Variants in CNTN6 observed in about 807,000 individuals in gnomAD.
The protein encoded by CNTN6 is contactin-6.
In CNTN6, 137 loss-of-function variants were observed where a neutral mutation model predicts 122.8. The observed-to-expected ratio is 1.12, with a 90% CI of 0.97 to 1.29. The LOEUF is 1.29. Ranked by LOEUF, CNTN6 falls within the 50% of genes most tolerant of loss-of-function variation. The pLI is 0.00. For synonymous variants in CNTN6, 570 were observed against 426.0 expected, an observed-to-expected ratio of 1.34 and a Z score of -4.16; for missense variants, 1,634 against 1,223.4, an observed-to-expected ratio of 1.34 and a Z score of -5.01.
chr3:1,318,510 C>T (rs567705296), intron 7 of CNTN6, among the ~76,000 whole-genome samples: 2 of 151,866 alleles, frequency 1.3e-5, no homozygotes, highest in African/African-American at 4.8e-5. Context: ...GAGGCAGAAC[C>T]TGAAAGTATA....
chr3:1,401,409 G>T, intron 20 of CNTN6, 24 bp from the exon 21 acceptor site: 1 of 1,575,354 alleles, frequency 6.3e-7, no homozygotes, highest in Non-Finnish European at 8.7e-7. Flanking sequence ...ACATTCATTT[G>T]GATCTTTGAT....
chr3:1,306,853 G>A (rs1306958303), intron 7 of CNTN6, among the ~76,000 whole-genome samples: 1 of 152,106 alleles, frequency 6.6e-6, no homozygotes, highest in Admixed American at 6.6e-5. Context: ...TTTGTGTTAA[G>A]GGACTTCCCC....
chr3:1,253,481 C>A (rs1272423408), intron 4 of CNTN6, among the ~76,000 whole-genome samples: 1 of 152,146 alleles, frequency 6.6e-6, no homozygotes, highest in Admixed American at 6.6e-5. Context: ...GTAATTTTGT[C>A]TGCTAATTAC....
intron 2 of CNTN6, among the ~76,000 whole-genome samples, chr3:1,178,679 A>G (rs1280333729): frequency 6.6e-6 from 1 of 152,146 alleles, no homozygotes; most frequent in Non-Finnish European, 1.5e-5. Flanking sequence ...GTGGAGACTA[A>G]ATAGTTTCTA....
intron 4 of CNTN6, among the ~76,000 whole-genome samples, chr3:1,270,113 A>G (rs1027668170): frequency 6.6e-6 from 1 of 152,220 alleles, no homozygotes; most frequent in Admixed American, 6.5e-5. Context: ...GCTAGGAAAC[A>G]TAATAATATC....
chr3:1,312,860 A>G (rs954399208), intron 7 of CNTN6, among the ~76,000 whole-genome samples: 3 of 151,508 alleles, frequency 2.0e-5, no homozygotes, highest in African/African-American at 7.3e-5. Context: ...CATATTACCC[A>G]AACTATCCTA....
At chr3:1,285,466 G>T (rs528280102) in intron 5 of CNTN6, among the ~76,000 whole-genome samples, 1 of 152,160 alleles carries the variant, frequency 6.6e-6, no homozygotes, top group South Asian at 2.1e-4. Flanking sequence ...CAAAAGCTCT[G>T]GTTTGAAGAG....
Position 1,165,415 on chromosome 3 carries a change from C to T in CNTN6, c.55+17352C>T, listed in dbSNP as rs9848717. On this transcript the variant is annotated intron_variant, in intron 2 of 22. Coordinates refer to ENST00000446702, the MANE Select transcript of CNTN6 (RefSeq NM_001289080.2). ...CAATGGTCCATCTGCTTGGATCAAA[C>T]GCTTCAAGTGCTGTCCCTTTGCTGC... Among the ~76,000 whole-genome samples, 853 of 152,242 alleles carry T rather than the reference C, an allele frequency of 5.6e-3. 4 individuals carry two copies. Among genetic ancestry groups the T allele is most frequent in the African/African-American group, 0.019 (788 of 41,540 alleles).
At chr3:1,269,218 G>A (rs2094981072) in intron 4 of CNTN6, among the ~76,000 whole-genome samples, 1 of 152,034 alleles carries the variant, frequency 6.6e-6, no homozygotes, top group African/African-American at 2.4e-5. Flanking sequence ...TAAATAATCT[G>A]CCCTAAATCA....
intron 19 of CNTN6, among the ~76,000 whole-genome samples, chr3:1,385,130 T>A (rs192782039): frequency 6.6e-6 from 1 of 152,080 alleles, no homozygotes. Flanking sequence ...GTACTTAATT[T>A]ATTCTCTTTT....
chr3:1,232,024 G>A (rs1226861041), intron 4 of CNTN6, among the ~76,000 whole-genome samples: 1 of 152,180 alleles, frequency 6.6e-6, no homozygotes, highest in Non-Finnish European at 1.5e-5. Context: ...CTGTACTTGT[G>A]TGAGAGAACA....
chr3:1,370,190 C>A (rs1278012653), intron 12 of CNTN6, among the ~76,000 whole-genome samples: 1 of 151,468 alleles, frequency 6.6e-6, no homozygotes, highest in Non-Finnish European at 1.5e-5. Context: ...TTTTTTTAAT[C>A]TATTGGTTTC....
chr3:1,400,128 T>C (rs879577398), intron 20 of CNTN6, among the ~76,000 whole-genome samples: 10 of 152,128 alleles, frequency 6.6e-5, no homozygotes, highest in Non-Finnish European at 1.0e-4. Context: ...TCTACCAGTG[T>C]TATAATGAAT....
chr3:1,110,641 C>T (rs929035967), intron 1 of CNTN6, among the ~76,000 whole-genome samples: 1 of 152,012 alleles, frequency 6.6e-6, no homozygotes, highest in Non-Finnish European at 1.5e-5. Flanking sequence ...TAATATTCAG[C>T]AGCCCTGAGA....
intron 2 of CNTN6, among the ~76,000 whole-genome samples, chr3:1,158,919 CATATATATATAT>C (rs1172931963): frequency 1.5e-4 from 18 of 117,820 alleles, no homozygotes; most frequent in African/African-American, 5.7e-4. Flanking sequence ...TATACACACA[CATATATATATAT>C]ACACACACAC....
intron 4 of CNTN6, among the ~76,000 whole-genome samples, chr3:1,266,667 G>A (rs1480839782): frequency 6.6e-6 from 1 of 152,138 alleles, no homozygotes; most frequent in Non-Finnish European, 1.5e-5. Context: ...GTCTATGAAG[G>A]ACCATAGCAG....
rs886959678 is a variant in CNTN6, at chr3:1,278,492, A to T, written c.438A>T (p.Pro146=). 2.5e-6 allele frequency: 4 copies of T among 1,611,398 alleles called. No homozygotes were observed. Among genetic ancestry groups the T allele is most frequent in the African/African-American group, 2.7e-5 (2 of 74,822 alleles). ...AAGGTGTGGTGCTTCTCTGTGGCCCACCGCCACATTTTGGAGGTATGATGG... is the reference window on the plus strand; with the variant it reads ...AAGGTGTGGTGCTTCTCTGTGGCCCTCCGCCACATTTTGGAGGTATGATGG... The part of the protein sequence containing the change: ...EGQGVVLLCG[P]PPHFGDLSYA... The change falls in exon 5 of 23, where the codon CCA becomes CCT. Residue 146 remains proline, a synonymous_variant. Transcript: ENST00000446702.
intron 1 of CNTN6, among the ~76,000 whole-genome samples, chr3:1,108,771 A>G (rs1173815285): frequency 6.6e-6 from 1 of 152,080 alleles, no homozygotes; most frequent in Non-Finnish European, 1.5e-5. Context: ...ATAAAAATTA[A>G]CTAACTTTTT....
chr3:1,311,324 A>G (rs1265741), intron 7 of CNTN6, among the ~76,000 whole-genome samples: 29 of 143,212 alleles, frequency 2.0e-4, no homozygotes, highest in African/African-American at 6.1e-4. Flanking sequence ...AAATGTATAT[A>G]TACATATATG....
Sources: allele counts gnomAD v4.1 joint callset (sites outside exome capture counted in the v4.1 genomes callset), GRCh38; gene constraint gnomAD v4.1.1; transcripts MANE v1.5; gene names NCBI Gene and HGNC (gene_info 2026-07-23, HGNC 2026-07-21).